The following ATP9B variants were observed in gnomAD, a reference collection of about 807,000 sequenced individuals.
The protein encoded by ATP9B is probable phospholipid-transporting ATPase IIB.
In ATP9B, 110 loss-of-function variants were observed where a neutral mutation model predicts 146.1. That is an observed-to-expected ratio of 0.75 (90% CI 0.65 to 0.88). The LOEUF (loss-of-function observed/expected upper bound fraction) is 0.88, where lower values mean the gene tolerates loss of function less well. Among genes scored for constraint, ATP9B ranks in the 40% least tolerant of loss-of-function variants. The pLI, the probability that ATP9B is intolerant of heterozygous loss-of-function variation, is 0.00. For synonymous variants in ATP9B, 604 were observed against 569.7 expected (o/e 1.06, Z -0.86); for missense variants, 1,499 against 1,496.4 (o/e 1.00, Z -0.03).
chr18:79,241,686 A>G (rs2095890603), intron 11 of ATP9B, among the ~76,000 whole-genome samples: 1 of 152,222 alleles, frequency 6.6e-6, no homozygotes, highest in Non-Finnish European at 1.5e-5. Context: ...GCCTGTTTTT[A>G]TCAGCTAATA....
chr18:79,198,673 CAAT>C (rs2095438781), intron 9 of ATP9B, among the ~76,000 whole-genome samples: 1 of 152,090 alleles, frequency 6.6e-6, no homozygotes, highest in African/African-American at 2.4e-5. Flanking sequence ...AGTTGTCACA[CAAT>C]GATAAGTATC....
chr18:79,072,704 C>CT (rs2072023579), intron 1 of ATP9B, among the ~76,000 whole-genome samples: 2 of 86,554 alleles, frequency 2.3e-5, no homozygotes, highest in African/African-American at 7.8e-5. Flanking sequence ...TGGGGGCGCC[C>CT]CCCCACCTCC....
At chr18:79,376,249 CCAAA>C in intron 29 of ATP9B, 1 of 980,688 alleles carries the variant, frequency 1.0e-6, no homozygotes, top group Non-Finnish European at 1.2e-6. Context: ...CCTAGATCGT[CCAAA>C]CAAATCCCAC....
At chr18:79,187,422 G>A (rs1052644576) in intron 8 of ATP9B, among the ~76,000 whole-genome samples, 1 of 152,174 alleles carries the variant, frequency 6.6e-6, no homozygotes, top group Admixed American at 6.5e-5. Context: ...ACTCAAAGGG[G>A]CACATGTCCT....
chr18:79,214,038 G>C lies in ATP9B; in HGVS notation c.1107G>C (p.Lys369Asn). 6.3e-7 allele frequency: 1 copy of C among 1,591,924 alleles called. No homozygotes were observed. Among genetic ancestry groups the C allele is most frequent in the Non-Finnish European group, 8.5e-7 (1 of 1,172,414 alleles). The change falls in exon 11 of 30, where the codon AAG (lysine) becomes AAC (asparagine). Residue 369 changes from lysine (K) to asparagine (N), a missense_variant and splice_region_variant. Physicochemically the swap from Lys to Asn is moderately conservative, Grantham distance 94. Coordinates refer to ENST00000426216, the MANE Select transcript of ATP9B (RefSeq NM_198531.5). ...TGAACACATCCAATCCAAAAAATAA[G>C]GTAGGCTAGATTGAGGAGCAACTGC... is the stretch of plus-strand genomic sequence containing the variant. ...SVMNTSNPKNKVGLLDLELNR... is the reference protein window; with the variant it reads ...SVMNTSNPKNNVGLLDLELNR...
chr18:79,345,672 T>G, intron 22 of ATP9B, 100 bp downstream of exon 22: 1 of 1,599,698 alleles, frequency 6.3e-7, no homozygotes, highest in Non-Finnish European at 8.5e-7. Context: ...TAGATTGATT[T>G]CATCTCCATT....
At chr18:79,291,139 A>T (rs2096498586) in intron 13 of ATP9B, among the ~76,000 whole-genome samples, 1 of 152,104 alleles carries the variant, frequency 6.6e-6, no homozygotes, top group African/African-American at 2.4e-5. Flanking sequence ...TTATAGTCCC[A>T]AAAAACTCTT....
At chr18:79,315,524 T>C (rs1568658924) in intron 15 of ATP9B, among the ~76,000 whole-genome samples, 1 of 152,234 alleles carries the variant, frequency 6.6e-6, no homozygotes, top group East Asian at 1.9e-4. Flanking sequence ...TAAATTATGA[T>C]GTACAAAGTG....
intron 11 of ATP9B, among the ~76,000 whole-genome samples, chr18:79,228,758 GGTTCGCCTGTAATCCCACC>G (rs1301424157): frequency 6.6e-6 from 1 of 152,144 alleles, no homozygotes; most frequent in African/African-American, 2.4e-5. Context: ...GGCTGGACAT[GGTTCGCCTGTAATCCCACC>G]ACTTTGGGAA....
intron 4 of ATP9B, among the ~76,000 whole-genome samples, chr18:79,123,617 C>G (rs561602864): frequency 6.6e-6 from 1 of 151,374 alleles, no homozygotes; most frequent in Non-Finnish European, 1.5e-5. Context: ...GTGGCTAATA[C>G]GTCATAGAAA....
intron 9 of ATP9B, among the ~76,000 whole-genome samples, chr18:79,202,630 T>G (rs891777493): frequency 2.0e-5 from 3 of 152,234 alleles, no homozygotes; most frequent in African/African-American, 7.2e-5. Context: ...ATTTTAGAGA[T>G]AATTTATTTT....
At chr18:79,256,869 T>C (rs1006110468) in intron 12 of ATP9B, among the ~76,000 whole-genome samples, 1 of 152,200 alleles carries the variant, frequency 6.6e-6, no homozygotes, top group Non-Finnish European at 1.5e-5. Flanking sequence ...ATCCTACATA[T>C]TCTTGATCAG....
At chr18:79,243,957 C>T (rs2095914188) in intron 11 of ATP9B, among the ~76,000 whole-genome samples, 1 of 152,172 alleles carries the variant, frequency 6.6e-6, no homozygotes, top group South Asian at 2.1e-4. Context: ...AGAAATTTCT[C>T]ACTTTACTGT....
intron 6 of ATP9B, among the ~76,000 whole-genome samples, chr18:79,149,634 T>C (rs1418909662): frequency 6.6e-6 from 1 of 151,806 alleles, no homozygotes; most frequent in Non-Finnish European, 1.5e-5. Context: ...AAGCTACAGA[T>C]GGAGAAAATA....
At position 79,373,889 on chromosome 18, in the gene ATP9B, G is replaced by C. The variant is rs2097088001; in HGVS notation, c.3071-9G>C. The C allele has an allele frequency of 6.2e-7, 1 of 1,612,490 alleles. No homozygotes were observed. ...CGTGTGCATGGAAAAAGCTCCTGCT[G>C]TTTTTCAGGCGGCATCCTCATGTAT... On this transcript the variant is annotated splice_polypyrimidine_tract_variant and intron_variant, in intron 27 of 29. Transcript: ENST00000426216.
At chr18:79,255,447 G>A (rs1187269403) in intron 12 of ATP9B, among the ~76,000 whole-genome samples, 1 of 152,172 alleles carries the variant, frequency 6.6e-6, no homozygotes, top group Non-Finnish European at 1.5e-5. Context: ...CACTCCCCAA[G>A]AGTCTCCTTT....
chr18:79,209,142 C>T (rs2095561108), intron 10 of ATP9B, among the ~76,000 whole-genome samples: 1 of 152,198 alleles, frequency 6.6e-6, no homozygotes, highest in African/African-American at 2.4e-5. Flanking sequence ...AGCCAGGCTG[C>T]ACAGGGACCA....
intron 4 of ATP9B, among the ~76,000 whole-genome samples, chr18:79,113,636 A>G (rs545457673): frequency 1.3e-5 from 2 of 152,306 alleles, no homozygotes; most frequent in East Asian, 3.9e-4. Context: ...TTAAGGTTGC[A>G]GGTCATCAGC....
chr18:79,294,486 G>C (rs1344311840), intron 13 of ATP9B, among the ~76,000 whole-genome samples: 1 of 152,252 alleles, frequency 6.6e-6, no homozygotes, highest in African/African-American at 2.4e-5. Flanking sequence ...GAAACGGCCA[G>C]TGGCCAAGTA....
Sources: gnomAD v4.1 joint callset for allele counts (sites outside exome capture counted in the v4.1 genomes callset) on GRCh38, gnomAD v4.1.1 for gene constraint, MANE v1.5 for transcripts, NCBI Gene and HGNC (gene_info 2026-07-23, HGNC 2026-07-21) for gene names.